Variants in RYR3 observed in about 807,000 individuals in gnomAD.
The protein encoded by RYR3 is brain ryanodine receptor-calcium release channel.
In RYR3, 207 loss-of-function variants were observed where a neutral mutation model predicts 584.3. That is an observed-to-expected ratio of 0.35 (90% CI 0.32 to 0.40). The LOEUF (loss-of-function observed/expected upper bound fraction) is 0.40. RYR3 is among the 10% of genes least tolerant of loss of function. The pLI, the probability that RYR3 is intolerant of heterozygous loss-of-function variation, is 1.00. For synonymous variants in RYR3, 2,416 were observed against 2,248.5 expected (o/e 1.07, Z -2.11); for missense variants, 5,616 against 6,089.2 (o/e 0.92, Z 2.59).
chr15:33,541,365 G>T (rs2141154689), intron 7 of RYR3, among the ~76,000 whole-genome samples: 1 of 152,192 alleles, frequency 6.6e-6, no homozygotes, highest in African/African-American at 2.4e-5. Flanking sequence ...TTGTATTTAT[G>T]GAAGGCCATT....
intron 5 of RYR3, among the ~76,000 whole-genome samples, chr15:33,536,212 T>C (rs1366678370): frequency 6.6e-6 from 1 of 152,120 alleles, no homozygotes; most frequent in African/African-American, 2.4e-5. Context: ...AACTGCCCAG[T>C]AGTGGAGTTG....
At position 33,523,344 on chromosome 15, in the gene RYR3, G is replaced by A. The variant is rs566195422; in HGVS notation, c.280-7248G>A. 6.6e-5 allele frequency among the ~76,000 whole-genome samples: 10 copies of A among 152,126 alleles called. No individual in the cohort carries two copies. The South Asian group carries it at 2.1e-3, about 32-fold the overall frequency. On this transcript the variant is annotated intron_variant, in intron 3 of 103. Transcript: ENST00000634891. The stretch of plus-strand genomic sequence containing the variant: ...AAATCTTGCTGCTGCTCACTCTTTG[G>A]GTCCACACTACCTTTATGAGCTGTA...
chr15:33,487,399 C>T (rs2050541898), intron 2 of RYR3, among the ~76,000 whole-genome samples: 1 of 152,052 alleles, frequency 6.6e-6, no homozygotes, highest in Non-Finnish European at 1.5e-5. Flanking sequence ...AAAACAAGGG[C>T]ATGAGACTTT....
At chr15:33,481,539 G>C (rs1042311641) in intron 2 of RYR3, among the ~76,000 whole-genome samples, 2 of 151,980 alleles carry the variant, frequency 1.3e-5, no homozygotes, top group African/African-American at 4.8e-5. Flanking sequence ...GGAGTGCAAT[G>C]ATGCAATCTC....
chr15:33,481,478 C>CT (rs34269008), intron 2 of RYR3, among the ~76,000 whole-genome samples: 10 of 150,362 alleles, frequency 6.7e-5, no homozygotes, highest in South Asian at 2.1e-4. Flanking sequence ...TTTTTGAATA[C>CT]TTTTTTTTTT....
At chr15:33,629,743 C>T in intron 21 of RYR3, 197 bp from the exon 22 acceptor site, 1 of 495,760 alleles carries the variant, frequency 2.0e-6, no homozygotes. Context: ...CCACGGAGCA[C>T]AAACCACTGG....
chr15:33,509,745 T>C (rs7165389), intron 3 of RYR3, among the ~76,000 whole-genome samples: 22,659 of 152,042 alleles, frequency 0.15, 1,912 homozygotes, highest in East Asian at 0.29. Flanking sequence ...TTCCTTTGTA[T>C]TCGTTGGTAA....
intron 2 of RYR3, among the ~76,000 whole-genome samples, chr15:33,477,732 G>A (rs112643814): frequency 0.1 from 14,969 of 146,260 alleles, 2,084 homozygotes; most frequent in African/African-American, 0.32. Context: ...AAAATTAGCC[G>A]GACGTGGTGG....
intron 70 of RYR3, among the ~76,000 whole-genome samples, chr15:33,809,000 G>T (rs551415393): frequency 6.6e-6 from 1 of 152,170 alleles, no homozygotes; most frequent in Non-Finnish European, 1.5e-5. Context: ...GCAACCACCT[G>T]AAATTGCAGC....
intron 3 of RYR3, among the ~76,000 whole-genome samples, chr15:33,507,555 G>A (rs1283226384): frequency 1.3e-5 from 2 of 152,160 alleles, no homozygotes; most frequent in Non-Finnish European, 2.9e-5. Flanking sequence ...TCAAATATTA[G>A]AGTATTTTCA....
At chr15:33,572,042 A>G (rs2058053793) in intron 12 of RYR3, among the ~76,000 whole-genome samples, 1 of 152,212 alleles carries the variant, frequency 6.6e-6, no homozygotes, top group Non-Finnish European at 1.5e-5. Context: ...AATTAATACT[A>G]ACTTAACAAA....
At chr15:33,729,081 T>A in intron 47 of RYR3, 55 bp downstream of exon 47, 3 of 1,475,506 alleles carry the variant, frequency 2.0e-6, no homozygotes, top group Non-Finnish European at 2.8e-6. Context: ...AAATTAGTAA[T>A]GTTGGACTTC....
chr15:33,634,760 G>T, intron 25 of RYR3, 27 bp downstream of exon 25: 1 of 1,607,742 alleles, frequency 6.2e-7, no homozygotes, highest in East Asian at 2.2e-5. Flanking sequence ...GTTTATTCTG[G>T]CCCCAGTTTA....
chr15:33,861,272 C>T, intron 102 of RYR3, 94 bp downstream of exon 102: 2 of 911,896 alleles, frequency 2.2e-6, no homozygotes, highest in Non-Finnish European at 3.4e-6. Flanking sequence ...AAAAGAGTAA[C>T]CAGAAAGGAA....
intron 69 of RYR3, among the ~76,000 whole-genome samples, chr15:33,803,981 A>C (rs887553253): frequency 6.6e-6 from 1 of 152,250 alleles, no homozygotes; most frequent in Non-Finnish European, 1.5e-5. Context: ...GTAATGAATG[A>C]ATGCTCAAGG....
intron 63 of RYR3, 64 bp downstream of exon 63, chr15:33,772,222 C>A (rs2073630241): frequency 2.0e-6 from 2 of 1,006,090 alleles, no homozygotes; most frequent in South Asian, 1.4e-5. Flanking sequence ...AGGTGCAGGG[C>A]CCATTCACTT....
chr15:33,478,464 C>T (rs571985618), intron 2 of RYR3, among the ~76,000 whole-genome samples: 1 of 152,334 alleles, frequency 6.6e-6, no homozygotes, highest in South Asian at 2.1e-4. Context: ...AGAGTCGCTG[C>T]ACTCCAAGAA....
chr15:33,813,028 A>G (rs762092384), intron 73 of RYR3, 34 bp downstream of exon 73: 1 of 1,613,306 alleles, frequency 6.2e-7, no homozygotes, highest in Non-Finnish European at 8.5e-7. Context: ...ATGGGGAAGC[A>G]GAAACACCCT....
At position 33,736,344 on chromosome 15, in the gene RYR3, A is replaced by G. The variant is rs114271907; in HGVS notation, c.7515+19A>G. On this transcript the variant is annotated intron_variant, in intron 49 of 103. Coordinates refer to ENST00000634891, the MANE Select transcript of RYR3 (RefSeq NM_001036.6). ...TCTCAAGGTAAACATCACTATTGTT[A>G]CAGAAATACAGTCTATTGCACAGGA... 242 of 1,527,798 alleles carry G rather than the reference A, an allele frequency of 1.6e-4. No individual in the cohort carries two copies. The African/African-American group carries it at 3.1e-3, about 19-fold the overall frequency. The allele number at this position is 1,527,798 out of a possible 1,614,324, so 94.6% of individuals were successfully genotyped here. A position where few individuals can be genotyped will look rare whatever the true frequency, so the allele number is the denominator to read the frequency against.
Sources: allele counts gnomAD v4.1 joint callset (sites outside exome capture counted in the v4.1 genomes callset), GRCh38; gene constraint gnomAD v4.1.1; transcripts MANE v1.5; gene names NCBI Gene and HGNC (gene_info 2026-07-23, HGNC 2026-07-21).